The following DPAGT1 variants were observed in gnomAD, a reference collection of about 807,000 sequenced individuals.
DPAGT1 encodes the protein dolichyl-phosphate N-acetylglucosaminephosphotransferase 1, also known as UDP-N-acetylglucosamine--dolichyl-phosphate N-acetylglucosaminephosphotransferase.
DPAGT1 carries 25 observed loss-of-function variants against 39.3 expected under a neutral mutation model. The ratio of observed to expected loss-of-function variants is 0.64; its 90% CI spans 0.46 to 0.89. DPAGT1 has a LOEUF of 0.89. Among genes scored for constraint, DPAGT1 ranks in the 40% least tolerant of loss-of-function variants. The pLI is 0.00. For missense variants in DPAGT1, 381 were observed against 500.6 expected (o/e 0.76, Z 2.28); for synonymous variants, 193 against 201.4 (o/e 0.96, Z 0.36).
chr11:119,100,701 G>A lies in DPAGT1; in HGVS notation c.425C>T (p.Thr142Ile). The A allele has an allele frequency of 3.1e-6, 5 of 1,614,198 alleles. No homozygotes were observed. The highest frequency in any genetic ancestry group is 3.4e-6 in the Non-Finnish European group (4 of 1,180,038). ...ASLPLLMVYF[T>I]NFGNTTIVVP... is the part of the protein sequence containing the mutation. ...CACAATGGTCGTGTTGCCAAAGTTG[G>A]TGAAATAGACCATGAGGAGAGGTAG... Residue 142 changes from threonine to isoleucine, a missense_variant, in exon 3 of 9, where the codon ACC becomes ATC. Transcript: ENST00000354202.
rs1946410715 is a variant in DPAGT1, at chr11:119,097,133, C to T, written c.1161+9G>A. On this transcript the variant is annotated intron_variant, in intron 8 of 8. Coordinates refer to ENST00000354202, the MANE Select transcript of DPAGT1 (RefSeq NM_001382.4). This position sits in a 1 kb window ranked among gnomAD's most constrained non-coding sequence, Gnocchi z 4.6. ...GACACGGAGGTATAAACTCGATTCC[C>T]ATCCTCACCTGCAGCAGCAGCAGGA... is the stretch of plus-strand genomic sequence containing the variant. 1.9e-6 allele frequency: 3 copies of T among 1,614,190 alleles called. No individual in the cohort carries two copies. The highest frequency in any genetic ancestry group is 2.5e-6 in the Non-Finnish European group (3 of 1,180,036).
At position 119,101,631 on chromosome 11, in the gene DPAGT1, T is replaced by C; in HGVS notation, c.25A>G (p.Met9Val). MWAFSELP[M>V]PLLINLIVSL... ...ACGATCAAATTGATCAGCAGCGGCA[T>C]GGGCAATTCCGAGAAGGCCCACATG... Residue 9 changes from methionine to valine, a missense_variant, in exon 1 of 9, where the codon ATG becomes GTG. Coordinates refer to ENST00000354202, the MANE Select transcript of DPAGT1 (RefSeq NM_001382.4). The C allele has an allele frequency of 1.2e-6, 2 of 1,614,250 alleles. No individual in the cohort carries two copies. The highest frequency in any genetic ancestry group is 1.7e-6 in the Non-Finnish European group (2 of 1,180,032).
chr11:119,094,101 T>G (rs1479212741), downstream of DPAGT1: 1 of 152,762 alleles, frequency 6.5e-6, no homozygotes, highest in East Asian at 1.9e-4. Context: ...CAGGCCTGGC[T>G]GCCAGTCGGC....
At chr11:119,094,409 G>GC (rs1946355714), downstream of DPAGT1, 1 of 152,252 alleles carries the variant, frequency 6.6e-6, no homozygotes, top group African/African-American at 2.4e-5. Flanking sequence ...TAAGCACCAC[G>GC]CCGGGGGGGT....
At chr11:119,096,112 C>T (rs2134895292), downstream of DPAGT1, among the ~76,000 whole-genome samples, 1 of 152,272 alleles carries the variant, frequency 6.6e-6, no homozygotes, top group South Asian at 2.1e-4. Context: ...ACTACAAGTG[C>T]TCCACCACAC....
chr11:119,093,927 G>A (rs542576337), downstream of DPAGT1: 1 of 156,438 alleles, frequency 6.4e-6, no homozygotes, highest in South Asian at 1.9e-4. Flanking sequence ...ACTCCCCAAT[G>A]CCTAAGGTTC....
In DPAGT1 at chr11:119,096,853, G is replaced by A; in HGVS notation, c.*145C>T. 1 of 988,592 alleles carries A rather than the reference G, an allele frequency of 1.0e-6. No homozygotes were observed. The highest frequency in any genetic ancestry group is 1.4e-5 in the South Asian group (1 of 71,022). The allele number at this position is 988,592 out of a possible 1,614,324, so 61.2% of individuals were successfully genotyped here. A position where few individuals can be genotyped will look rare whatever the true frequency, so the allele number is the denominator to read the frequency against. On this transcript the variant is annotated 3_prime_UTR_variant, in exon 9 of 9. Coordinates refer to ENST00000354202, the MANE Select transcript of DPAGT1 (RefSeq NM_001382.4). ...CGCCCAGGATGCCAATGATCACAGA[G>A]AAAGGAAAATGCTGAGAACAAAATC...
downstream of DPAGT1, among the ~76,000 whole-genome samples, chr11:119,096,171 CA>C (rs1197244867): frequency 6.6e-6 from 1 of 152,084 alleles, no homozygotes; most frequent in Non-Finnish European, 1.5e-5. Flanking sequence ...TTTTGTTGCC[CA>C]GGCTGTCTTG....
downstream of DPAGT1, chr11:119,095,435 T>C (rs1408730294): frequency 1.3e-5 from 19 of 1,460,828 alleles, no homozygotes; most frequent in South Asian, 8.5e-5. Context: ...GCTCAAACAC[T>C]AGAACAGACG....
Position 119,098,190 on chromosome 11 carries a change from A to C in DPAGT1, c.729-147T>G, listed in dbSNP as rs1946433380. On this transcript the variant is annotated intron_variant, in intron 5 of 8. Transcript: ENST00000354202. ...TTGTGCAGCAACTCTGCAGGATCCA[A>C]GGCCCTGAATTCATCTATTCCTGGG... The C allele has an allele frequency of 2.5e-6, 3 of 1,215,356 alleles. No homozygotes were observed. The South Asian group carries it at 3.8e-5, about 15-fold the overall frequency. The allele number at this position is 1,215,356 out of a possible 1,614,324, so 75.3% of individuals were successfully genotyped here. A position where few individuals can be genotyped will look rare whatever the true frequency, so the allele number is the denominator to read the frequency against.
Position 119,101,523 on chromosome 11 carries a change from C to T in DPAGT1, c.133G>A (p.Asp45Asn). 1.2e-6 allele frequency: 2 copies of T among 1,614,168 alleles called. No individual in the cohort carries two copies. The highest frequency in any genetic ancestry group is 1.7e-6 in the Non-Finnish European group (2 of 1,180,014). The change falls in exon 1 of 9, where the codon GAC becomes AAC. Residue 45 changes from aspartate (D) to asparagine (N), a missense_variant. Transcript: ENST00000354202. ...TGCTGTCGGCTGGTTTTGTTGAGGT[C>T]CTGACCACAGAGGCGCGCAGCAATG... ...HFIAARLCGQ[D>N]LNKTSRQQIP...
chr11:119,098,573 C>T, intron 4 of DPAGT1, 86 bp from the exon 5 acceptor site: 2 of 1,335,764 alleles, frequency 1.5e-6, no homozygotes, highest in Admixed American at 1.8e-5. Flanking sequence ...GTTCTGTTTA[C>T]AGCTGTTATC....
chr11:119,100,577 G>A, intron 3 of DPAGT1, 53 bp downstream of exon 3: 1 of 1,609,118 alleles, frequency 6.2e-7, no homozygotes, highest in Non-Finnish European at 8.5e-7. Flanking sequence ...GGAGCACCAG[G>A]AAGGGTTCCC....
At chr11:119,100,494 G>A in intron 3 of DPAGT1, 86 bp from the exon 4 acceptor site, 3 of 1,604,600 alleles carry the variant, frequency 1.9e-6, no homozygotes, top group South Asian at 1.1e-5. Flanking sequence ...GAGGACGGAC[G>A]ATAGGATGAA....
chr11:119,095,588 G>A (rs1169631078), downstream of DPAGT1: 4 of 574,836 alleles, frequency 7.0e-6, no homozygotes, highest in African/African-American at 5.9e-5. Flanking sequence ...GGGTGTCGCG[G>A]CTCGGCTGAG....
chr11:119,096,817 A>C lies in DPAGT1; in HGVS notation c.*181T>G. ...GTAAAATCCAATCAGTAGTCAGCAG[A>C]GGGCAAGAAACGCCCAGGATGCCAA... On this transcript the variant is annotated 3_prime_UTR_variant, in exon 9 of 9. Transcript: ENST00000354202. 1 of 737,298 alleles carries C rather than the reference A, an allele frequency of 1.4e-6. No homozygotes were observed. The highest frequency in any genetic ancestry group is 2.7e-5 in the East Asian group (1 of 37,134). The allele number at this position is 737,298 out of a possible 1,614,324, so 45.7% of individuals were successfully genotyped here.
In DPAGT1 at chr11:119,100,312, G is replaced by T; in HGVS notation, c.593C>A (p.Ser198Ter). ...AGINGLEAGQSLVISASIIVF... is the reference protein window; with the variant it reads ...AGINGLEAGQ ...AATGATGGAAGCAGAAATGACTAGTGACTGGCCAGCCTCTAGGCCGTTAAT... is the reference window on the plus strand; with the variant it reads ...AATGATGGAAGCAGAAATGACTAGTTACTGGCCAGCCTCTAGGCCGTTAAT... Residue 198 changes from serine (S) to a stop codon, truncating the protein, a stop_gained, in exon 4 of 9, where the codon TCA (serine) becomes TAA (stop). Coordinates refer to ENST00000354202, the MANE Select transcript of DPAGT1 (RefSeq NM_001382.4). LOFTEE classifies it high-confidence loss of function. The T allele has an allele frequency of 6.2e-7, 1 of 1,614,174 alleles. No homozygotes were observed. The highest frequency in any genetic ancestry group is 8.5e-7 in the Non-Finnish European group (1 of 1,180,032).
Position 119,097,241 on chromosome 11 carries a change from T to C in DPAGT1, c.1062A>G (p.Glu354=). The change falls in exon 8 of 9, where the codon GAA becomes GAG. Residue 354 remains glutamate (E), a synonymous_variant. Transcript: ENST00000354202. This position sits in a 1 kb window ranked among gnomAD's most constrained non-coding sequence, Gnocchi z 4.6. ...GGGTCATGTTGTTACATTCAGTGAA[T>C]TCACCATCTTCAGTCTCACTCTGGT... is the stretch of plus-strand genomic sequence containing the variant. The part of the protein sequence containing the change: ...TVHQSETEDG[E]FTECNNMTLI... The C allele has an allele frequency of 1.9e-6, 3 of 1,614,224 alleles. No individual in the cohort carries two copies. The highest frequency in any genetic ancestry group is 8.5e-7 in the Non-Finnish European group (1 of 1,180,040).
chr11:119,095,724 A>C (rs1260734332), downstream of DPAGT1, among the ~76,000 whole-genome samples: 1 of 152,104 alleles, frequency 6.6e-6, no homozygotes, highest in East Asian at 1.9e-4. Context: ...AGCGCGCGAG[A>C]TTTAAACACT....
Sources: gnomAD v4.1 joint callset for allele counts (sites outside exome capture counted in the v4.1 genomes callset) on GRCh38, gnomAD v4.1.1 for gene constraint, Gnocchi (gnomAD v3.1) non-coding constraint, MANE v1.5 for transcripts, NCBI Gene and HGNC (gene_info 2026-07-23, HGNC 2026-07-21) for gene names.